Variants in SHANK2 observed in about 807,000 individuals in gnomAD.
SHANK2 encodes SH3 and multiple ankyrin repeat domains 2.
A neutral mutation model predicts 133.7 loss-of-function variants in SHANK2; 43 were observed. That is an observed-to-expected ratio of 0.32 (90% CI 0.25 to 0.41). The LOEUF (loss-of-function observed/expected upper bound fraction) is 0.41. Ranked by LOEUF, SHANK2 falls within the 10% of genes least tolerant of loss-of-function variation. The probability of loss-of-function intolerance (pLI) is 1.00; values close to 1 mark genes in which losing one functional copy is unlikely to be tolerated. For missense variants in SHANK2, 1,994 were observed against 2,235.8 expected (o/e 0.89, Z 2.18); for synonymous variants, 1,017 against 952.8 (o/e 1.07, Z -1.24).
intron 13 of SHANK2, among the ~76,000 whole-genome samples, chr11:70,801,025 A>G (rs1427886129): frequency 1.3e-5 from 2 of 152,130 alleles, no homozygotes; most frequent in Admixed American, 6.5e-5. Flanking sequence ...GTCTCTCTGT[A>G]CCTCGGTTTC....
At chr11:71,114,583 G>A (rs1271033755) in intron 4 of SHANK2, among the ~76,000 whole-genome samples, 3 of 152,182 alleles carry the variant, frequency 2.0e-5, no homozygotes, top group African/African-American at 7.2e-5. Context: ...GTTCTGTGAA[G>A]CGCAGGCTGC....
rs12270805 is a variant in SHANK2, at chr11:71,167,990, G to A, written c.-12-20652C>T. ...AGAGAAGCTCCTCACTTCCCAGACG[G>A]GGTGGCTGCTGGGCGGAGGGGCTCC... On this transcript the variant is annotated intron_variant, in intron 2 of 25. Transcript: ENST00000601538. Among the ~76,000 whole-genome samples the A allele has an allele frequency of 1.6e-3, 121 of 77,344 alleles. 2 individuals are homozygous for A. The highest frequency in any genetic ancestry group is 2.7e-3 in the Non-Finnish European group (100 of 36,536). The allele number at this position is 77,344 out of a possible 152,430, so 50.7% of individuals were successfully genotyped here. A position where few individuals can be genotyped will look rare whatever the true frequency, so the allele number is the denominator to read the frequency against.
intron 14 of SHANK2, among the ~76,000 whole-genome samples, chr11:70,770,591 C>T (rs1369742684): frequency 6.6e-6 from 1 of 152,172 alleles, no homozygotes; most frequent in Non-Finnish European, 1.5e-5. Context: ...TCCTCAGATG[C>T]AATTCTGGCC....
intron 10 of SHANK2, among the ~76,000 whole-genome samples, chr11:70,918,553 T>G (rs1590831964): frequency 6.6e-6 from 1 of 152,194 alleles, no homozygotes; most frequent in African/African-American, 2.4e-5. Context: ...TCCAGACTGA[T>G]GGAATGCAGC....
intron 9 of SHANK2, among the ~76,000 whole-genome samples, chr11:71,069,688 G>A (rs1005678314): frequency 0.011 from 1,685 of 152,318 alleles, 24 homozygotes; most frequent in African/African-American, 0.035. Context: ...GAGACAATAG[G>A]TTGTCCAGGA....
At chr11:70,730,392 A>G (rs1405179909) in intron 14 of SHANK2, among the ~76,000 whole-genome samples, 2 of 151,962 alleles carry the variant, frequency 1.3e-5, no homozygotes, top group Non-Finnish European at 2.9e-5. Flanking sequence ...CCATGATCTC[A>G]TCACAAATAG....
chr11:70,597,327 G>A (rs782234287), intron 17 of SHANK2, among the ~76,000 whole-genome samples: 2 of 152,138 alleles, frequency 1.3e-5, no homozygotes, highest in Non-Finnish European at 2.9e-5. Context: ...GAGATGCCAA[G>A]AAGCAGCAAG....
intron 17 of SHANK2, among the ~76,000 whole-genome samples, chr11:70,562,443 C>T (rs1036102146): frequency 6.6e-6 from 1 of 152,158 alleles, no homozygotes; most frequent in Non-Finnish European, 1.5e-5. Context: ...TATTTTGAGG[C>T]TCTGTTATTA....
chr11:70,614,248 C>A (rs1305731086), intron 17 of SHANK2, among the ~76,000 whole-genome samples: 3 of 151,994 alleles, frequency 2.0e-5, no homozygotes, highest in Non-Finnish European at 2.9e-5. Context: ...GACACCCTGA[C>A]CTTTGTCTTC....
chr11:70,866,887 C>T (rs972760146), intron 11 of SHANK2, among the ~76,000 whole-genome samples: 4 of 152,056 alleles, frequency 2.6e-5, no homozygotes, highest in Non-Finnish European at 5.9e-5. Context: ...ACGGCCCTCG[C>T]TGGTCTTGAG....
intron 17 of SHANK2, among the ~76,000 whole-genome samples, chr11:70,545,919 T>C (rs537165121): frequency 6.6e-6 from 1 of 152,124 alleles, no homozygotes; most frequent in South Asian, 2.1e-4. Context: ...CCATTCACAA[T>C]ACTCGGGAAC....
chr11:70,751,293 A>G (rs908841486), intron 14 of SHANK2, among the ~76,000 whole-genome samples: 4 of 152,230 alleles, frequency 2.6e-5, no homozygotes, highest in Non-Finnish European at 5.9e-5. Context: ...GAGAAAAATG[A>G]CATATTTCAT....
chr11:70,515,887 GA>G, intron 17 of SHANK2, among the ~76,000 whole-genome samples: 1 of 152,040 alleles, frequency 6.6e-6, no homozygotes, highest in Non-Finnish European at 1.5e-5. Context: ...GATCATTTCA[GA>G]AAGAACATTT....
intron 10 of SHANK2, chr11:70,944,036 G>C (rs966789180): frequency 4.4e-6 from 2 of 451,334 alleles, no homozygotes; most frequent in Non-Finnish European, 4.5e-6. Flanking sequence ...TGGTTCCTGT[G>C]TTTATGCTAT....
At position 70,776,552 on chromosome 11, in the gene SHANK2, C is replaced by T. The variant is rs182009982; in HGVS notation, c.1777+21891G>A. Among the ~76,000 whole-genome samples the T allele has an allele frequency of 2.0e-5, 3 of 152,276 alleles. No individual in the cohort carries two copies. The East Asian group carries it at 5.8e-4, about 29-fold the overall frequency. On this transcript the variant is annotated intron_variant, in intron 14 of 25. Transcript: ENST00000601538. ...CTCACAAACTCTATGGTTTTAAAGA[C>T]ATCTCATTGGGTAATGTAAAGGTTT...
intron 15 of SHANK2, among the ~76,000 whole-genome samples, chr11:70,675,078 G>A (rs879997168): frequency 6.6e-6 from 1 of 152,192 alleles, no homozygotes; most frequent in African/African-American, 2.4e-5. Context: ...AGGAGAACGC[G>A]TTTTAGAAAT....
At chr11:71,182,667 T>A (rs1953582644) in intron 2 of SHANK2, among the ~76,000 whole-genome samples, 1 of 152,214 alleles carries the variant, frequency 6.6e-6, no homozygotes. Flanking sequence ...TCATTTCAAC[T>A]TGATCATCTG....
rs75085276 is a variant in SHANK2, at chr11:71,199,082, G to C, written c.-13+25615C>G. On this transcript the variant is annotated intron_variant, in intron 2 of 25. Coordinates refer to ENST00000601538, the MANE Select transcript of SHANK2 (RefSeq NM_012309.5). Reference sequence around the variant, plus strand: ...GCACTCCAGGCCAGGGGGCATGAGGGACCCCCCAAGAAGGTCCAGAGACCA... The same window carrying C: ...GCACTCCAGGCCAGGGGGCATGAGGCACCCCCCAAGAAGGTCCAGAGACCA... Among the ~76,000 whole-genome samples, 537 of 152,304 alleles carry C rather than the reference G, an allele frequency of 3.5e-3. 3 individuals carry two copies. The highest frequency in any genetic ancestry group is 0.012 in the African/African-American group (506 of 41,578).
intron 10 of SHANK2, among the ~76,000 whole-genome samples, chr11:70,904,100 T>C (rs1348961758): frequency 6.6e-6 from 1 of 152,174 alleles, no homozygotes; most frequent in Non-Finnish European, 1.5e-5. Flanking sequence ...GTAGACTTCA[T>C]GGGGGCACTT....
Sources: gnomAD v4.1 joint callset for allele counts (sites outside exome capture counted in the v4.1 genomes callset) on GRCh38, gnomAD v4.1.1 for gene constraint, MANE v1.5 for transcripts, NCBI Gene and HGNC (gene_info 2026-07-23, HGNC 2026-07-21) for gene names.